The following FLNA variants were observed in gnomAD, a reference collection of about 807,000 sequenced individuals.
FLNA encodes filamin A.
Under a neutral mutation model 157.6 loss-of-function variants are expected in FLNA, and 7 were observed. The ratio of observed to expected loss-of-function variants is 0.04; its 90% confidence interval spans 0.03 to 0.08. The LOEUF (loss-of-function observed/expected upper bound fraction) is 0.08. Among genes scored for constraint, FLNA ranks in the 10% least tolerant of loss-of-function variants. The pLI is 1.00. For synonymous variants in FLNA, 1,103 were observed against 1,060.8 expected (o/e 1.04, Z -0.77); for missense variants, 1,750 against 2,398.4 (o/e 0.73, Z 5.65).
chrX:154,362,079 A>G lies in FLNA; in HGVS notation c.2726T>C (p.Val909Ala), dbSNP rs1557178152. The change falls in exon 19 of 48, where the codon GTC (valine) becomes GCC (alanine). Residue 909 changes from valine to alanine, a missense_variant. Val to Ala is a moderately conservative substitution (Grantham distance 64). Around this residue, in one of 5 missense-constraint regions of FLNA, gnomAD observed 648 missense variants for 805.8 expected, o/e 0.80. Coordinates refer to ENST00000369850, the MANE Select transcript of FLNA (RefSeq NM_001110556.2). ...AKAAGKGKLD[V>A]QFSGLTKGDA... is the part of the protein sequence containing the mutation. ...CCCCTTGGTGAGTCCTGAGAACTGG[A>G]CGTCCAGCTTGCCTTTGCCAGCAGC... The G allele has an allele frequency of 8.3e-7, 1 of 1,209,244 alleles. No individual in the cohort carries two copies. The highest frequency in any genetic ancestry group is 1.1e-6 in the Non-Finnish European group (1 of 894,671).
Position 154,350,150 on chromosome X carries a change from T to G in FLNA, c.7214A>C (p.Lys2405Thr). 8.3e-7 allele frequency: 1 copy of G among 1,211,648 alleles called. No individual in the cohort carries two copies. The highest frequency in any genetic ancestry group is 1.1e-6 in the Non-Finnish European group (1 of 895,196). The change falls in exon 45 of 48, where the codon AAG (lysine) becomes ACG (threonine). Residue 2405 changes from lysine (K) to threonine (T), a missense_variant. Around this residue, in one of 5 missense-constraint regions of FLNA, gnomAD observed 970 missense variants for 1,302.6 expected, o/e 0.74. Transcript: ENST00000369850. ...RENGVYLIDV[K>T]FNGTHIPGSP... ...TCCAGGGATGTGGGTGCCGTTGAAC[T>G]TGACGTCAATCAGGTAAACGCCATT...
intron 47 of FLNA, 97 bp from the exon 48 acceptor site, chrX:154,349,133 C>T (rs1557175217): frequency 2.2e-6 from 2 of 929,915 alleles, no homozygotes; most frequent in East Asian, 6.7e-5. Context: ...TCTGGGGTGA[C>T]AGTTCTCTCT....
rs782500981 is a variant in FLNA, at chrX:154,357,481, C to T, written c.4898G>A (p.Arg1633His). Residue 1633 changes from arginine to histidine, a missense_variant, in exon 29 of 48, where the codon CGC becomes CAC. Arg to His is a conservative substitution (Grantham distance 29). Coordinates refer to ENST00000369850, the MANE Select transcript of FLNA (RefSeq NM_001110556.2). ...GTCCCCGGTGGGCACGGCACGCACG[C>T]GGTACGGGGAGAAGGGGATCTCGTC... ...GGDEIPFSPY[R>H]VRAVPTGDAS... 2.5e-6 allele frequency: 3 copies of T among 1,210,426 alleles called. No individual in the cohort carries two copies. The South Asian group carries it at 5.3e-5, about 21-fold the overall frequency.
chrX:154,355,098 A>T, intron 30 of FLNA, 26 bp from the exon 31 acceptor site: 1 of 1,191,494 alleles, frequency 8.4e-7, no homozygotes, highest in South Asian at 1.8e-5. Flanking sequence ...GGGTCCCCAA[A>T]GGGGGGCCAG....
chrX:154,368,434 C>T (rs1557179743), intron 2 of FLNA, among the ~76,000 whole-genome samples: 5 of 112,456 alleles, frequency 4.4e-5, no homozygotes, highest in African/African-American at 1.6e-4. Context: ...ACAGTGTCCA[C>T]AGCTGCCAGA....
In FLNA at chrX:154,350,216, C is replaced by G; in HGVS notation, c.7157-9G>C. ...GCGCACAGCATACTTATCTGAGGAG[C>G]AGGGAGTCATGCTGTGGGCCTGGGG... is the stretch of plus-strand genomic sequence containing the variant. On this transcript the variant is annotated splice_polypyrimidine_tract_variant and intron_variant, in intron 44 of 47. Coordinates refer to ENST00000369850, the MANE Select transcript of FLNA (RefSeq NM_001110556.2). 1 of 1,210,172 alleles carries G rather than the reference C, an allele frequency of 8.3e-7. No individual in the cohort carries two copies. The highest frequency in any genetic ancestry group is 1.1e-6 in the Non-Finnish European group (1 of 894,089).
intron 21 of FLNA, among the ~76,000 whole-genome samples, chrX:154,361,080 G>GA (rs2067705553): frequency 4.8e-4 from 19 of 39,630 alleles, no homozygotes; most frequent in Admixed American, 1.8e-3. Context: ...AAAAAAAAAA[G>GA]AAAGAAAAAA....
chrX:154,361,064 A>AAAAAAAAAAAAAAAAG (rs2067704454), intron 21 of FLNA, among the ~76,000 whole-genome samples: 1 of 92,826 alleles, frequency 1.1e-5, no homozygotes, highest in African/African-American at 4.1e-5. Flanking sequence ...AAAAAAAAAA[A>AAAAAAAAAAAAAAAAG]AAAAAAAAAA....
chrX:154,349,739 T>C lies in FLNA; in HGVS notation c.7462A>G (p.Thr2488Ala), dbSNP rs1557175367. The C allele has an allele frequency of 8.3e-7, 1 of 1,211,002 alleles. No homozygotes were observed. The highest frequency in any genetic ancestry group is 1.1e-6 in the Non-Finnish European group (1 of 895,254). ...ECPEGYRVTY[T>A]PMAPGSYLIS... ...AGGTAGCTGCCAGGTGCCATGGGGGTATAGGTGACGCGGTAGCCCTCAGGG... is the reference window on the plus strand; with the variant it reads ...AGGTAGCTGCCAGGTGCCATGGGGGCATAGGTGACGCGGTAGCCCTCAGGG... The change falls in exon 46 of 48, where the codon ACC (threonine) becomes GCC (alanine). Residue 2488 changes from threonine to alanine, a missense_variant. By Grantham distance (58) the Thr-to-Ala change is moderately conservative. Coordinates refer to ENST00000369850, the MANE Select transcript of FLNA (RefSeq NM_001110556.2).
rs367647812 is a variant in FLNA, at chrX:154,364,246, G to A, written c.2136+13C>T. 6.6e-5 allele frequency: 79 copies of A among 1,206,092 alleles called. No homozygotes were observed. Among genetic ancestry groups the A allele is most frequent in the South Asian group, 2.1e-4 (12 of 56,770 alleles). ...CACACCTGCCCTGCCCCCAACACCC[G>A]TGGGTGCTCTACCTGGACTTGGACC... On this transcript the variant is annotated intron_variant, in intron 14 of 47. Transcript: ENST00000369850.
chrX:154,369,336 C>A (rs1428625755), intron 2 of FLNA, among the ~76,000 whole-genome samples: 2 of 112,531 alleles, frequency 1.8e-5, no homozygotes, highest in Non-Finnish European at 3.8e-5. Context: ...CATCAGGCCC[C>A]CACCCCAGTC....
Position 154,364,109 on chromosome X carries a change from G to A in FLNA, c.2193C>T (p.Tyr731=). Residue 731 remains tyrosine (Y), a synonymous_variant, in exon 15 of 48, where the codon TAC becomes TAT. Coordinates refer to ENST00000369850, the MANE Select transcript of FLNA (RefSeq NM_001110556.2). The stretch of plus-strand genomic sequence containing the variant: ...GCTTCCTGGGCACGTAGGAGCAGCT[G>A]TAAGTGCCATTGCCGTTGTCCTTGA... The part of the protein sequence containing the change: ...ALVKDNGNGT[Y]SCSYVPRKPV... 8.3e-7 allele frequency: 1 copy of A among 1,210,668 alleles called. No individual in the cohort carries two copies.
chrX:154,370,671 G>C (rs2148121636), intron 2 of FLNA, among the ~76,000 whole-genome samples: 1 of 113,001 alleles, frequency 8.8e-6, no homozygotes, highest in East Asian at 2.8e-4. Flanking sequence ...GCGGGGGCGC[G>C]TAGCGGTTCG....
Position 154,348,779 on chromosome X carries a change from G to C in FLNA, c.*70C>G, listed in dbSNP as rs2067594011. On this transcript the variant is annotated 3_prime_UTR_variant, in exon 48 of 48. Coordinates refer to ENST00000369850, the MANE Select transcript of FLNA (RefSeq NM_001110556.2). ...CCAGGGCGGCCTGGGCCGGGGTTGA[G>C]GGGAAGAGGGCGGGGCTGCTTGGGT... 9.4e-7 allele frequency: 1 copy of C among 1,063,119 alleles called. No individual in the cohort carries two copies. Among genetic ancestry groups the C allele is most frequent in the Non-Finnish European group, 1.3e-6 (1 of 781,242 alleles). The allele number at this position is 1,063,119 out of a possible 1,213,427, so 87.6% of individuals were successfully genotyped here.
chrX:154,362,602 G>C (rs1188610001), intron 16 of FLNA, 24 bp from the exon 17 acceptor site: 1 of 1,209,390 alleles, frequency 8.3e-7, no homozygotes, highest in African/African-American at 1.7e-5. Flanking sequence ...AGGAGCGGAG[G>C]CTGAGACCTC....
chrX:154,362,134 T>C lies in FLNA; in HGVS notation c.2671A>G (p.Lys891Glu), dbSNP rs1459255199. 11 of 1,209,875 alleles carry C rather than the reference T, an allele frequency of 9.1e-6. No homozygotes were observed. Among genetic ancestry groups the C allele is most frequent in the Non-Finnish European group, 1.2e-5 (11 of 894,982 alleles). Residue 891 changes from lysine to glutamate, a missense_variant, in exon 19 of 48, where the codon AAG (lysine) becomes GAG (glutamate). Coordinates refer to ENST00000369850, the MANE Select transcript of FLNA (RefSeq NM_001110556.2). Reference sequence around the variant, plus strand: ...GCATTTACTGTGAAGTGGGTGGGCTTGCCAAGCTCGACACCTGAGGAACAC... The same window carrying C: ...GCATTTACTGTGAAGTGGGTGGGCTCGCCAAGCTCGACACCTGAGGAACAC... ...GLSRTGVELG[K>E]PTHFTVNAKA...
Position 154,364,840 on chromosome X carries a change from C to T in FLNA, c.1809G>A (p.Gly603=). The T allele has an allele frequency of 8.3e-7, 1 of 1,211,689 alleles. No homozygotes were observed. The highest frequency in any genetic ancestry group is 1.1e-6 in the Non-Finnish European group (1 of 895,571). Residue 603 remains glycine (G), a synonymous_variant, in exon 12 of 48, where the codon GGG becomes GGA. Transcript: ENST00000369850. The part of the protein sequence containing the change: ...KSADFVVEAI[G]DDVGTLGFSV... ...ACTTACCCAGCGTGCCCACGTCGTCCCCGATAGCCTCCACCACAAAGTCTG... is the reference window on the plus strand; with the variant it reads ...ACTTACCCAGCGTGCCCACGTCGTCTCCGATAGCCTCCACCACAAAGTCTG...
intron 30 of FLNA, 108 bp from the exon 31 acceptor site, chrX:154,355,180 C>A: frequency 1.1e-6 from 1 of 883,910 alleles, no homozygotes; most frequent in Non-Finnish European, 1.6e-6. Flanking sequence ...CACCACCAAG[C>A]ACAGCCAGGC....
Position 154,366,121 on chromosome X carries a change from G to T in FLNA, c.1332C>A (p.Cys444Ter). The T allele has an allele frequency of 8.3e-7, 1 of 1,210,349 alleles. No individual in the cohort carries two copies. The change falls in exon 9 of 48, where the codon TGC (cysteine) becomes TGA (stop). Residue 444 changes from cysteine (C) to a stop codon, truncating the protein, a stop_gained. Coordinates refer to ENST00000369850, the MANE Select transcript of FLNA (RefSeq NM_001110556.2). LOFTEE classifies it high-confidence loss of function. The part of the protein sequence containing the change: ...LEARGDSTYR[C>*]SYQPTMEGVH... ...CGCCCTCCATGGTGGGCTGGTAGCT[G>T]CAGCGGTATGTGCTGTCGCCCCGGG...
Sources: allele counts gnomAD v4.1 joint callset (sites outside exome capture counted in the v4.1 genomes callset), GRCh38; gene constraint gnomAD v4.1.1; regional missense constraint gnomAD v4.1.1; transcripts MANE v1.5; gene names NCBI Gene and HGNC (gene_info 2026-07-23, HGNC 2026-07-21).